MORC1: variants seen among roughly 807,000 people sequenced by gnomAD.
MORC1 encodes MORC family CW-type zinc finger 1.
In MORC1, 59 loss-of-function variants were observed where a neutral mutation model predicts 134.9. The observed-to-expected ratio is 0.44, with a 90% CI of 0.35 to 0.54. The LOEUF is 0.54. Among genes scored for constraint, MORC1 ranks in the 20% least tolerant of loss-of-function variants. The pLI, the probability that MORC1 is intolerant of heterozygous loss-of-function variation, is 0.00. For synonymous variants in MORC1, 395 were observed against 391.7 expected (o/e 1.01, Z -0.10); for missense variants, 947 against 1,134.5 (o/e 0.83, Z 2.37).
intron 17 of MORC1, among the ~76,000 whole-genome samples, chr3:109,013,531 T>G (rs1160070246): frequency 1.3e-5 from 2 of 152,234 alleles, no homozygotes; most frequent in East Asian, 3.8e-4. Flanking sequence ...TGCTGGCTAT[T>G]GCAGATAACG....
chr3:108,991,046 C>G (rs1304672910), intron 21 of MORC1, among the ~76,000 whole-genome samples: 1 of 152,080 alleles, frequency 6.6e-6, no homozygotes, highest in African/African-American at 2.4e-5. Context: ...AGGGTGGCTA[C>G]AGTAGACTAA....
intron 8 of MORC1, among the ~76,000 whole-genome samples, chr3:109,092,184 C>G (rs1950742025): frequency 6.6e-6 from 1 of 152,084 alleles, no homozygotes. Context: ...TTAATGCTGG[C>G]ACAGTGGTTC....
intron 14 of MORC1, among the ~76,000 whole-genome samples, chr3:109,038,813 C>T (rs1303925398): frequency 5.9e-5 from 9 of 152,086 alleles, no homozygotes; most frequent in Admixed American, 5.9e-4. Context: ...GTTTTGGTAC[C>T]AGTACCATGC....
intron 14 of MORC1, among the ~76,000 whole-genome samples, chr3:109,044,951 AAAAAAAAAAG>A (rs1303240559): frequency 6.6e-6 from 1 of 150,932 alleles, no homozygotes; most frequent in Non-Finnish European, 1.5e-5. Flanking sequence ...TCTCAAAAAA[AAAAAAAAAAG>A]AAAAAGAAAT....
intron 17 of MORC1, among the ~76,000 whole-genome samples, chr3:109,010,128 C>T (rs1247684717): frequency 1.3e-5 from 2 of 151,554 alleles, no homozygotes; most frequent in Non-Finnish European, 1.5e-5. Flanking sequence ...GTATTCTTTT[C>T]TCTCTCTCTC....
chr3:108,966,939 A>AC (rs1947236521), intron 26 of MORC1, among the ~76,000 whole-genome samples: 1 of 152,210 alleles, frequency 6.6e-6, no homozygotes, highest in South Asian at 2.1e-4. Flanking sequence ...GCTATTATGA[A>AC]TCATCTACTA....
intron 13 of MORC1, among the ~76,000 whole-genome samples, chr3:109,055,496 C>A (rs1334475799): frequency 6.6e-6 from 1 of 152,168 alleles, no homozygotes; most frequent in East Asian, 1.9e-4. Context: ...GGGGTCCCTG[C>A]CTATAGTGTT....
At chr3:109,103,533 A>G (rs1321197921) in intron 4 of MORC1, among the ~76,000 whole-genome samples, 1 of 152,176 alleles carries the variant, frequency 6.6e-6, no homozygotes, top group African/African-American at 2.4e-5. Flanking sequence ...GCTAAAAACA[A>G]TCTCAGAGTC....
chr3:109,079,758 G>C (rs796957256), intron 8 of MORC1, among the ~76,000 whole-genome samples: 1 of 151,948 alleles, frequency 6.6e-6, no homozygotes. Flanking sequence ...AAAACTATTA[G>C]AATAAAAGAG....
chr3:108,969,529 G>A, intron 26 of MORC1, 140 bp downstream of exon 26: 1 of 764,332 alleles, frequency 1.3e-6, no homozygotes, highest in Non-Finnish European at 2.2e-6. Context: ...CACCTGATAA[G>A]CTATACATTA....
Position 109,062,060 on chromosome 3 carries a change from T to C in MORC1, c.896-2A>G. 1 of 1,613,998 alleles carries C rather than the reference T, an allele frequency of 6.2e-7. No individual in the cohort carries two copies. Among genetic ancestry groups the C allele is most frequent in the Admixed American group, 1.7e-5 (1 of 60,018 alleles). On this transcript the variant is annotated splice_acceptor_variant, in intron 10 of 27. Transcript: ENST00000232603. LOFTEE classifies it high-confidence loss of function. ...GTGCTTCTTTCAATATGGATTCAGC[T>C]GGAAGTAGAAGCCAAATAGTTATAA...
At chr3:109,111,479 G>A (rs1264055882) in intron 2 of MORC1, among the ~76,000 whole-genome samples, 6 of 152,034 alleles carry the variant, frequency 3.9e-5, no homozygotes, top group Admixed American at 3.9e-4. Flanking sequence ...TGAGAGTACT[G>A]ATGAAGACTG....
chr3:108,996,307 C>CACACACACACACACACAA (rs1052240440), intron 21 of MORC1, among the ~76,000 whole-genome samples: 3 of 148,312 alleles, frequency 2.0e-5, no homozygotes, highest in Non-Finnish European at 4.5e-5. Context: ...CACACACACA[C>CACACACACACACACACAA]AACTAGAATT....
chr3:108,985,894 G>A (rs1040291432), intron 22 of MORC1, among the ~76,000 whole-genome samples: 2 of 152,104 alleles, frequency 1.3e-5, no homozygotes, highest in Admixed American at 1.3e-4. Flanking sequence ...TCCTGATGGT[G>A]GAATTGCAAA....
intron 8 of MORC1, among the ~76,000 whole-genome samples, chr3:109,075,516 T>A (rs971218033): frequency 6.6e-6 from 1 of 152,228 alleles, no homozygotes. Context: ...TTTCCGCATA[T>A]GGCTAGCCAA....
At chr3:109,102,216 G>A (rs1950942641) in intron 4 of MORC1, among the ~76,000 whole-genome samples, 1 of 152,122 alleles carries the variant, frequency 6.6e-6, no homozygotes, top group South Asian at 2.1e-4. Context: ...AAACGATGAG[G>A]GGTCAGCCAT....
intron 17 of MORC1, among the ~76,000 whole-genome samples, chr3:109,019,657 G>C (rs917436452): frequency 1.3e-5 from 2 of 152,154 alleles, no homozygotes; most frequent in African/African-American, 2.4e-5. Context: ...TTATTTCTCT[G>C]TGACTCAGTT....
intron 11 of MORC1, among the ~76,000 whole-genome samples, chr3:109,061,203 A>C (rs1466082217): frequency 6.6e-6 from 1 of 152,216 alleles, no homozygotes; most frequent in Non-Finnish European, 1.5e-5. Flanking sequence ...GATGAAGAGA[A>C]GGTGAAGTAA....
intron 17 of MORC1, among the ~76,000 whole-genome samples, chr3:109,027,199 T>C (rs1046335677): frequency 6.6e-6 from 1 of 151,912 alleles, no homozygotes; most frequent in African/African-American, 2.4e-5. Context: ...GTCAAGAAAA[T>C]AAAATAATTT....
Sources: gnomAD v4.1 joint callset for allele counts (sites outside exome capture counted in the v4.1 genomes callset) on GRCh38, gnomAD v4.1.1 for gene constraint, MANE v1.5 for transcripts, NCBI Gene and HGNC (gene_info 2026-07-23, HGNC 2026-07-21) for gene names.